LRMDA: variants seen among roughly 807,000 people sequenced by gnomAD.
LRMDA encodes leucine-rich melanocyte differentiation-associated protein.
A neutral mutation model predicts 29.8 loss-of-function variants in LRMDA; 18 were observed. The ratio of observed to expected loss-of-function variants is 0.60; its 90% CI spans 0.42 to 0.90. LRMDA has a LOEUF of 0.90. Ranked by LOEUF, LRMDA falls within the 40% of genes least tolerant of loss-of-function variation. The pLI is 0.00. For missense variants in LRMDA, 273 were observed against 273.9 expected (o/e 1.00, Z 0.02); for synonymous variants, 125 against 109.4 (o/e 1.14, Z -0.89).
rs75525084 is a variant in LRMDA at position 76,050,654 on chromosome 10, A to G, written c.398+3351A>G. Among the ~76,000 whole-genome samples the G allele has an allele frequency of 9.5e-3, 1,454 of 152,358 alleles. 37 individuals carry two copies. Among genetic ancestry groups the G allele is most frequent in the East Asian group, 0.082 (427 of 5,178 alleles). On this transcript the variant is annotated intron_variant, in intron 4 of 6. Coordinates refer to ENST00000611255, the MANE Select transcript of LRMDA (RefSeq NM_001305581.2). ...TCCAGGATTTGGGCAGGAAGAGAAC[A>G]GCAGTGCAAGACTTGGCCGGAGAGA... is the stretch of plus-strand genomic sequence containing the variant.
chr10:76,008,249 G>C (rs1020177723), intron 2 of LRMDA, among the ~76,000 whole-genome samples: 1 of 152,254 alleles, frequency 6.6e-6, no homozygotes, highest in Non-Finnish European at 1.5e-5. Context: ...GTTTAGAAAT[G>C]GGGGAAAAGG....
In LRMDA at chr10:75,516,073, A is replaced by G. The variant is rs141531629; in HGVS notation, c.131+77579A>G. Among the ~76,000 whole-genome samples, 1,333 of 152,310 alleles carry G rather than the reference A, an allele frequency of 8.8e-3. 13 individuals carry two copies. Among genetic ancestry groups the G allele is most frequent in the African/African-American group, 0.03 (1,237 of 41,564 alleles). Reference sequence around the variant, plus strand: ...GCCTGCATAGTATTTCATGGTGTATATGTGCCACATTTTCTTAATCCAGTC... The same window carrying G: ...GCCTGCATAGTATTTCATGGTGTATGTGTGCCACATTTTCTTAATCCAGTC... On this transcript the variant is annotated intron_variant, in intron 2 of 6. Transcript: ENST00000611255.
At chr10:76,487,987 A>G (rs552534565) in intron 6 of LRMDA, among the ~76,000 whole-genome samples, 1 of 152,012 alleles carries the variant, frequency 6.6e-6, no homozygotes, top group African/African-American at 2.4e-5. Flanking sequence ...TACAGAACCT[A>G]GAAATAGTAG....
chr10:75,549,264 C>T (rs1468912662), intron 2 of LRMDA, among the ~76,000 whole-genome samples: 1 of 152,002 alleles, frequency 6.6e-6, no homozygotes, highest in African/African-American at 2.4e-5. Context: ...TTTGAATAAG[C>T]AGCAATAAAT....
At chr10:75,541,609 TA>T (rs1167687615) in intron 2 of LRMDA, among the ~76,000 whole-genome samples, 1 of 152,170 alleles carries the variant, frequency 6.6e-6, no homozygotes, top group East Asian at 1.9e-4. Context: ...AGTGTTTGTT[TA>T]AAGCATCAGG....
intron 2 of LRMDA, among the ~76,000 whole-genome samples, chr10:75,720,947 G>A (rs572359078): frequency 1.4e-4 from 21 of 152,320 alleles, no homozygotes; most frequent in Admixed American, 6.5e-4. Context: ...GTTAGTTTGG[G>A]TTTCATCAGG....
chr10:76,465,416 C>A (rs575194151), intron 6 of LRMDA, among the ~76,000 whole-genome samples: 1 of 152,290 alleles, frequency 6.6e-6, no homozygotes, highest in South Asian at 2.1e-4. Flanking sequence ...TTGGAGCTAT[C>A]ACTACTGCCA....
intron 2 of LRMDA, among the ~76,000 whole-genome samples, chr10:75,588,674 T>C (rs1840684910): frequency 6.6e-6 from 1 of 152,142 alleles, no homozygotes; most frequent in Non-Finnish European, 1.5e-5. Flanking sequence ...GATTTGAAAA[T>C]TAAGAGAGAT....
At chr10:76,426,005 T>C (rs1432540958) in intron 6 of LRMDA, among the ~76,000 whole-genome samples, 1 of 152,228 alleles carries the variant, frequency 6.6e-6, no homozygotes, top group Non-Finnish European at 1.5e-5. Flanking sequence ...CTATCATTGT[T>C]GGACATTTGG....
intron 5 of LRMDA, among the ~76,000 whole-genome samples, chr10:76,111,360 G>T (rs1425564392): frequency 2.0e-5 from 3 of 152,228 alleles, no homozygotes; most frequent in Non-Finnish European, 4.4e-5. Context: ...GACGAAGTCC[G>T]TACTCAATAC....
chr10:75,926,677 G>A (rs1291182927), intron 2 of LRMDA, among the ~76,000 whole-genome samples: 2 of 152,334 alleles, frequency 1.3e-5, no homozygotes, highest in Non-Finnish European at 2.9e-5. Flanking sequence ...TGCAGGGCAC[G>A]TCTTGTGGAT....
intron 2 of LRMDA, among the ~76,000 whole-genome samples, chr10:75,965,102 T>A (rs1052193672): frequency 3.9e-5 from 6 of 152,180 alleles, no homozygotes; most frequent in Admixed American, 3.9e-4. Context: ...TTGGCACCCT[T>A]AAGCAAGTTA....
At chr10:75,571,552 G>A (rs934905328) in intron 2 of LRMDA, among the ~76,000 whole-genome samples, 5 of 152,182 alleles carry the variant, frequency 3.3e-5, no homozygotes, top group African/African-American at 9.7e-5. Flanking sequence ...TTTAAAGGCC[G>A]ATGTTAGGAT....
intron 5 of LRMDA, among the ~76,000 whole-genome samples, chr10:76,229,405 G>GAAC (rs564088809): frequency 2.4e-4 from 37 of 152,346 alleles, no homozygotes; most frequent in African/African-American, 8.9e-4. Context: ...TGGGCATCAA[G>GAAC]AACAGATGAT....
chr10:75,642,200 G>C (rs1841462508), intron 2 of LRMDA, among the ~76,000 whole-genome samples: 1 of 152,296 alleles, frequency 6.6e-6, no homozygotes. Flanking sequence ...AAGAAGAAAA[G>C]TCTCAGCTGT....
At chr10:76,274,684 C>G (rs1399691690) in intron 5 of LRMDA, among the ~76,000 whole-genome samples, 1 of 152,108 alleles carries the variant, frequency 6.6e-6, no homozygotes, top group Non-Finnish European at 1.5e-5. Context: ...GATGGAACAT[C>G]TCTACTTTTT....
intron 2 of LRMDA, among the ~76,000 whole-genome samples, chr10:75,821,917 A>G (rs1401287140): frequency 6.6e-6 from 1 of 152,214 alleles, no homozygotes; most frequent in Non-Finnish European, 1.5e-5. Context: ...ATTCCTTCTA[A>G]GAACTGGAAC....
At chr10:75,935,081 A>C (rs549631215) in intron 2 of LRMDA, among the ~76,000 whole-genome samples, 2 of 152,186 alleles carry the variant, frequency 1.3e-5, no homozygotes, top group South Asian at 4.2e-4. Context: ...AACTCACTAC[A>C]GCCACTCCCA....
intron 5 of LRMDA, among the ~76,000 whole-genome samples, chr10:76,105,613 A>G (rs1849468297): frequency 6.6e-6 from 1 of 152,150 alleles, no homozygotes; most frequent in Non-Finnish European, 1.5e-5. Context: ...CCAAGCCAAG[A>G]CATGCCTGAA....
Sources: allele counts gnomAD v4.1 joint callset (sites outside exome capture counted in the v4.1 genomes callset), GRCh38; gene constraint gnomAD v4.1.1; transcripts MANE v1.5; gene names NCBI Gene and HGNC (gene_info 2026-07-23, HGNC 2026-07-21).